Variants in INPP4B observed in about 807,000 individuals in gnomAD.
The protein encoded by INPP4B is inositol polyphosphate-4-phosphatase type II B.
Under a neutral mutation model 122.5 loss-of-function variants are expected in INPP4B, and 55 were observed. The ratio of observed to expected loss-of-function variants is 0.45; its 90% confidence interval spans 0.36 to 0.56. The LOEUF (loss-of-function observed/expected upper bound fraction) is 0.56, where lower values mean the gene tolerates loss of function less well. Among genes scored for constraint, INPP4B ranks in the 20% least tolerant of loss-of-function variants. The pLI is 0.00. For missense variants in INPP4B, 1,000 were observed against 1,097.7 expected (o/e 0.91, Z 1.26); for synonymous variants, 403 against 388.7 (o/e 1.04, Z -0.43).
At chr4:142,804,846 T>C (rs1045795483) in intron 1 of INPP4B, among the ~76,000 whole-genome samples, 4 of 152,160 alleles carry the variant, frequency 2.6e-5, no homozygotes, top group African/African-American at 4.8e-5. Context: ...TCTGTATTTT[T>C]TGTAGAGATG....
At chr4:142,106,367 C>T (rs1391905795) in intron 23 of INPP4B, among the ~76,000 whole-genome samples, 1 of 152,102 alleles carries the variant, frequency 6.6e-6, no homozygotes, top group African/African-American at 2.4e-5. Flanking sequence ...CAACTTCTGT[C>T]TCCCGGGCTC....
chr4:142,836,197 T>C (rs1187083412), intron 1 of INPP4B, among the ~76,000 whole-genome samples: 1 of 152,142 alleles, frequency 6.6e-6, no homozygotes, highest in Non-Finnish European at 1.5e-5. Flanking sequence ...TCTAAAAATA[T>C]TTTGGCACAG....
intron 1 of INPP4B, among the ~76,000 whole-genome samples, chr4:142,793,837 A>T (rs1776868964): frequency 6.6e-6 from 1 of 152,106 alleles, no homozygotes; most frequent in African/African-American, 2.4e-5. Flanking sequence ...CAAAGTAGTT[A>T]AGATTACACT....
chr4:142,575,954 G>T (rs1448216113), intron 2 of INPP4B, among the ~76,000 whole-genome samples: 1 of 152,004 alleles, frequency 6.6e-6, no homozygotes, highest in Admixed American at 6.6e-5. Context: ...ACATTTAAGA[G>T]ATTGAATTCC....
chr4:142,258,768 A>G (rs1737958852), intron 11 of INPP4B, among the ~76,000 whole-genome samples: 1 of 152,194 alleles, frequency 6.6e-6, no homozygotes, highest in South Asian at 2.1e-4. Flanking sequence ...ACTGTAAACT[A>G]GTTCAATCAT....
At chr4:142,747,365 G>A (rs1768920343) in intron 1 of INPP4B, among the ~76,000 whole-genome samples, 1 of 152,190 alleles carries the variant, frequency 6.6e-6, no homozygotes, top group East Asian at 1.9e-4. Flanking sequence ...AAAAAGTCAG[G>A]AAACCACAGG....
chr4:142,315,801 A>G (rs1767395082), intron 7 of INPP4B, among the ~76,000 whole-genome samples: 1 of 151,714 alleles, frequency 6.6e-6, no homozygotes, highest in African/African-American at 2.4e-5. Flanking sequence ...GAGAAAGGGG[A>G]TTGGAGGGGA....
intron 14 of INPP4B, among the ~76,000 whole-genome samples, chr4:142,207,516 A>G (rs1187623824): frequency 1.3e-5 from 2 of 152,156 alleles, no homozygotes; most frequent in African/African-American, 2.4e-5. Flanking sequence ...TGTCTCTGTA[A>G]GTATGTTTGT....
intron 7 of INPP4B, among the ~76,000 whole-genome samples, chr4:142,326,135 A>G (rs760792069): frequency 6.6e-5 from 10 of 152,192 alleles, no homozygotes; most frequent in Non-Finnish European, 1.5e-4. Flanking sequence ...TCTTCCTGAA[A>G]TGAACAGTAG....
chr4:142,607,767 A>T (rs1327692547), intron 2 of INPP4B, among the ~76,000 whole-genome samples: 5 of 152,260 alleles, frequency 3.3e-5, no homozygotes, highest in South Asian at 4.1e-4. Context: ...ATACTTTTTT[A>T]AAAAAGAAGA....
At chr4:142,168,078 G>C (rs1451746057) in intron 16 of INPP4B, among the ~76,000 whole-genome samples, 1 of 151,088 alleles carries the variant, frequency 6.6e-6, no homozygotes, top group African/African-American at 2.4e-5. Context: ...AGAGAAACAT[G>C]TGTCCTTTTT....
chr4:142,355,874 T>A (rs888347362), intron 7 of INPP4B, among the ~76,000 whole-genome samples: 18 of 148,252 alleles, frequency 1.2e-4, no homozygotes, highest in Admixed American at 6.7e-4. Flanking sequence ...TTTTTTTTTT[T>A]AACATAAGGA....
intron 25 of INPP4B, among the ~76,000 whole-genome samples, chr4:142,052,388 A>G (rs1376171685): frequency 6.6e-6 from 1 of 152,042 alleles, no homozygotes; most frequent in Non-Finnish European, 1.5e-5. Context: ...TACCTGAAGT[A>G]TAACCCATAT....
At chr4:142,579,744 CT>C (rs1377246289) in intron 2 of INPP4B, among the ~76,000 whole-genome samples, 1 of 151,562 alleles carries the variant, frequency 6.6e-6, no homozygotes, top group Non-Finnish European at 1.5e-5. Context: ...GAATTAAACT[CT>C]TAGCTCTCTT....
At chr4:142,221,293 G>C (rs933980018) in intron 12 of INPP4B, among the ~76,000 whole-genome samples, 1 of 150,564 alleles carries the variant, frequency 6.6e-6, no homozygotes, top group Admixed American at 6.6e-5. Context: ...CCAGCTATTC[G>C]GGAGACTGAG....
chr4:142,126,833 A>G (rs1336944837), intron 18 of INPP4B, among the ~76,000 whole-genome samples: 2 of 152,118 alleles, frequency 1.3e-5, no homozygotes, highest in African/African-American at 4.8e-5. Flanking sequence ...TGAATATCCT[A>G]TATTCCTATT....
chr4:142,514,932 AC>A (rs1825229047), intron 2 of INPP4B, among the ~76,000 whole-genome samples: 1 of 151,058 alleles, frequency 6.6e-6, no homozygotes, highest in East Asian at 2.0e-4. Flanking sequence ...AGTAGCTGGG[AC>A]TACAGGCACC....
chr4:142,567,827 G>T (rs13110257), intron 2 of INPP4B, among the ~76,000 whole-genome samples: 1 of 151,816 alleles, frequency 6.6e-6, no homozygotes, highest in African/African-American at 2.4e-5. Context: ...ATTTACTTAC[G>T]CTCCTGTAAA....
At chr4:142,428,883 G>T (rs1359647851) in intron 5 of INPP4B, among the ~76,000 whole-genome samples, 1 of 151,992 alleles carries the variant, frequency 6.6e-6, no homozygotes, top group Non-Finnish European at 1.5e-5. Context: ...ATGCTGGTTA[G>T]CAACAAAATG....
Sources: gnomAD v4.1 joint callset for allele counts (sites outside exome capture counted in the v4.1 genomes callset) on GRCh38, gnomAD v4.1.1 for gene constraint, MANE v1.5 for transcripts, NCBI Gene and HGNC (gene_info 2026-07-23, HGNC 2026-07-21) for gene names.